TBC1D32: variants seen among roughly 807,000 people sequenced by gnomAD.
TBC1D32 encodes protein broad-minded.
TBC1D32 carries 151 observed loss-of-function variants against 170.3 expected under a neutral mutation model. The observed-to-expected ratio is 0.89, with a 90% CI of 0.78 to 1.01. TBC1D32 has a LOEUF of 1.01. Among genes scored for constraint, TBC1D32 ranks in the 50% least tolerant of loss-of-function variants. The probability of loss-of-function intolerance (pLI) is 0.00; values close to 1 mark genes in which losing one functional copy is unlikely to be tolerated. For synonymous variants in TBC1D32, 498 were observed against 488.0 expected (o/e 1.02, Z -0.27); for missense variants, 1,464 against 1,457.1 (o/e 1.00, Z -0.08).
At chr6:121,142,155 G>A (rs373347612) in intron 24 of TBC1D32, among the ~76,000 whole-genome samples, 17 of 152,298 alleles carry the variant, frequency 1.1e-4, no homozygotes, top group East Asian at 3.9e-4. Flanking sequence ...CCCTAGTGCC[G>A]GCAGTCCCCT....
At chr6:121,157,443 A>C (rs1785048500) in intron 24 of TBC1D32, among the ~76,000 whole-genome samples, 1 of 152,022 alleles carries the variant, frequency 6.6e-6, no homozygotes, top group South Asian at 2.1e-4. Flanking sequence ...GTTGGGTCTT[A>C]TCTTTTTATC....
At chr6:121,245,423 G>A (rs1311342981) in intron 17 of TBC1D32, among the ~76,000 whole-genome samples, 3 of 152,144 alleles carry the variant, frequency 2.0e-5, no homozygotes, top group African/African-American at 7.2e-5. Flanking sequence ...ACCACATCAA[G>A]GGAACACCCT....
In TBC1D32 at chr6:121,281,683, T is replaced by C. The variant is rs1445144796; in HGVS notation, c.1469A>G (p.Asn490Ser). 2 of 1,584,516 alleles carry C rather than the reference T, an allele frequency of 1.3e-6. No individual in the cohort carries two copies. The highest frequency in any genetic ancestry group is 1.7e-6 in the Non-Finnish European group (2 of 1,165,438). Residue 490 changes from asparagine to serine, a missense_variant, in exon 14 of 32, where the codon AAT becomes AGT. Asn to Ser is a conservative substitution (Grantham distance 46). This residue lies in a region of TBC1D32 where 1,363 missense variants were observed against 1,338.1 expected (regional missense o/e 1.02). Coordinates refer to ENST00000398212, the MANE Select transcript of TBC1D32 (RefSeq NM_152730.6). ...AGTCACCATACTTGCAGGAGAGTAA[T>C]TCTCTAATAAACAATAAATATTTTT... ...PKMTSAAHSENYSPASMVTEV... is the reference protein window; with the variant it reads ...PKMTSAAHSESYSPASMVTEV...
chr6:121,296,935 C>A (rs909103663), intron 10 of TBC1D32, among the ~76,000 whole-genome samples: 1 of 152,072 alleles, frequency 6.6e-6, no homozygotes, highest in Non-Finnish European at 1.5e-5. Flanking sequence ...AAGACTCTTT[C>A]GTTCATTTGA....
intron 1 of TBC1D32, among the ~76,000 whole-genome samples, chr6:121,328,273 T>C (rs1387395049): frequency 1.3e-5 from 2 of 151,922 alleles, no homozygotes; most frequent in Non-Finnish European, 2.9e-5. Flanking sequence ...TCTAGTTTTT[T>C]ATTTTTTATT....
At chr6:121,232,712 T>C (rs992352265) in intron 20 of TBC1D32, among the ~76,000 whole-genome samples, 2 of 133,604 alleles carry the variant, frequency 1.5e-5, no homozygotes, top group Non-Finnish European at 3.4e-5. Flanking sequence ...GGTTGAATTT[T>C]TTATTTGATT....
intron 22 of TBC1D32, among the ~76,000 whole-genome samples, chr6:121,179,007 C>A (rs79366968): frequency 0.014 from 2,103 of 152,152 alleles, 43 homozygotes; most frequent in African/African-American, 0.047. Context: ...CAGACAAAAA[C>A]TGAGATAGTA....
chr6:121,080,751 TA>T lies in TBC1D32; in HGVS notation c.*19del, dbSNP rs761141198. On this transcript the variant is annotated 3_prime_UTR_variant, in exon 32 of 32. Coordinates refer to ENST00000398212, the MANE Select transcript of TBC1D32 (RefSeq NM_152730.6). ...TTTAAAAATAAATAAAACCTAAATT[TA>T]AACCGTGTGTCTCATGATCTATGTG... is the stretch of plus-strand genomic sequence containing the variant. The T allele has an allele frequency of 6.3e-7, 1 of 1,596,586 alleles. No homozygotes were observed. Among genetic ancestry groups the T allele is most frequent in the Admixed American group, 1.8e-5 (1 of 55,732 alleles).
At chr6:121,217,819 C>G (rs1386159841) in intron 21 of TBC1D32, among the ~76,000 whole-genome samples, 1 of 151,852 alleles carries the variant, frequency 6.6e-6, no homozygotes, top group Non-Finnish European at 1.5e-5. Context: ...AAAAAGAATA[C>G]AAAAAGAAAA....
intron 29 of TBC1D32, among the ~76,000 whole-genome samples, chr6:121,111,450 A>C (rs1048574025): frequency 1.3e-5 from 2 of 152,210 alleles, no homozygotes; most frequent in Admixed American, 6.5e-5. Flanking sequence ...AAAGTGAAAA[A>C]GAGAAAAGGC....
intron 22 of TBC1D32, among the ~76,000 whole-genome samples, chr6:121,194,276 C>CCT (rs1790442167): frequency 6.6e-6 from 1 of 152,180 alleles, no homozygotes; most frequent in East Asian, 1.9e-4. Flanking sequence ...GCAGAATGCC[C>CCT]ACATTGACTC....
At chr6:121,254,628 T>C (rs1472057089) in intron 17 of TBC1D32, among the ~76,000 whole-genome samples, 1 of 152,140 alleles carries the variant, frequency 6.6e-6, no homozygotes, top group Non-Finnish European at 1.5e-5. Context: ...TTTGATTGTT[T>C]TGTAAGTTAA....
intron 1 of TBC1D32, among the ~76,000 whole-genome samples, chr6:121,327,356 CT>C (rs1810589185): frequency 6.6e-6 from 1 of 152,166 alleles, no homozygotes; most frequent in African/African-American, 2.4e-5. Context: ...CATTGTAATC[CT>C]GATAGTATTG....
In TBC1D32 at chr6:121,181,191, A is replaced by G. The variant is rs543529311; in HGVS notation, c.2571-20135T>C. 7.2e-5 allele frequency among the ~76,000 whole-genome samples: 11 copies of G among 152,174 alleles called. No homozygotes were observed. In the East Asian group the frequency reaches 1.9e-3, roughly 27 times the overall value. On this transcript the variant is annotated intron_variant, in intron 22 of 31. Transcript: ENST00000398212. ...GGGAAAAGAGTATGGAGGTTCCTCAAAAACTAAAAATATAACTACCATATT... is the reference window on the plus strand; with the variant it reads ...GGGAAAAGAGTATGGAGGTTCCTCAGAAACTAAAAATATAACTACCATATT...
At chr6:121,200,496 T>G (rs990135676) in intron 22 of TBC1D32, among the ~76,000 whole-genome samples, 6 of 151,636 alleles carry the variant, frequency 4.0e-5, no homozygotes, top group Admixed American at 2.0e-4. Flanking sequence ...TTTAAGCTGC[T>G]AAGCCTTGGG....
chr6:121,308,291 A>G (rs1234413168), intron 4 of TBC1D32, among the ~76,000 whole-genome samples, 190 bp from the exon 5 acceptor site: 1 of 149,086 alleles, frequency 6.7e-6, no homozygotes, highest in African/African-American at 2.4e-5. Flanking sequence ...CAGAGAAAAA[A>G]AACAGTTGCT....
At chr6:121,091,902 GA>G (rs1776843152) in intron 30 of TBC1D32, among the ~76,000 whole-genome samples, 1 of 152,094 alleles carries the variant, frequency 6.6e-6, no homozygotes, top group Non-Finnish European at 1.5e-5. Context: ...ATAAGAAGGG[GA>G]AATACAGTCA....
chr6:121,170,963 T>A (rs1786894701), intron 22 of TBC1D32, among the ~76,000 whole-genome samples: 1 of 152,000 alleles, frequency 6.6e-6, no homozygotes, highest in Non-Finnish European at 1.5e-5. Context: ...AGTGGCTAAT[T>A]TTATAATTGT....
chr6:121,122,123 CTTCT>C (rs1050531229), intron 26 of TBC1D32, among the ~76,000 whole-genome samples: 3 of 151,828 alleles, frequency 2.0e-5, no homozygotes, highest in African/African-American at 7.3e-5. Context: ...TCCTCCTTGA[CTTCT>C]TTCTTTCTCT....
Sources: gnomAD v4.1 joint callset for allele counts (sites outside exome capture counted in the v4.1 genomes callset) on GRCh38, gnomAD v4.1.1 for gene constraint, gnomAD v4.1.1 regional missense constraint, MANE v1.5 for transcripts, NCBI Gene and HGNC (gene_info 2026-07-23, HGNC 2026-07-21) for gene names.